NCK2: variants seen among roughly 807,000 people sequenced by gnomAD.
NCK2 encodes cytoplasmic protein NCK2.
In NCK2, 16 loss-of-function variants were observed where a neutral mutation model predicts 33.9. The observed-to-expected ratio is 0.47, with a 90% CI of 0.32 to 0.72. The LOEUF (loss-of-function observed/expected upper bound fraction) is 0.72, where lower values mean the gene tolerates loss of function less well. NCK2 is among the 30% of genes least tolerant of loss of function. The probability of loss-of-function intolerance (pLI) is 0.03; values close to 1 mark genes in which losing one functional copy is unlikely to be tolerated. For synonymous variants in NCK2, 273 were observed against 239.9 expected (o/e 1.14, Z -1.27); for missense variants, 418 against 537.3 (o/e 0.78, Z 2.19).
chr2:105,874,598 C>T (rs1229623611), intron 3 of NCK2, among the ~76,000 whole-genome samples: 5 of 152,238 alleles, frequency 3.3e-5, no homozygotes, highest in African/African-American at 1.2e-4. Context: ...CTTGAGCACA[C>T]CGCGTCTAAA....
chr2:105,881,691 T>C lies in NCK2; in HGVS notation c.590T>C (p.Leu197Pro), dbSNP rs773992501. Residue 197 changes from leucine to proline, a missense_variant, in exon 4 of 5, where the codon CTG becomes CCG. Coordinates refer to ENST00000233154, the MANE Select transcript of NCK2 (RefSeq NM_003581.5). ...AGCAATGGCCAGGGCTCCCGCGTGC[T>C]GCATGTGGTCCAGACGCTGTACCCC... is the stretch of plus-strand genomic sequence containing the variant. Reference protein sequence around the residue: ...SLSNGQGSRVLHVVQTLYPFS... With the variant: ...SLSNGQGSRVPHVVQTLYPFS... 6.2e-7 allele frequency: 1 copy of C among 1,614,012 alleles called. No homozygotes were observed. Among genetic ancestry groups the C allele is most frequent in the South Asian group, 1.1e-5 (1 of 91,074 alleles).
chr2:105,835,395 A>ATGTG (rs1676369655), intron 2 of NCK2, among the ~76,000 whole-genome samples: 1 of 101,016 alleles, frequency 9.9e-6, no homozygotes, highest in African/African-American at 3.1e-5. Flanking sequence ...ACACATATAT[A>ATGTG]TATATATATA....
At chr2:105,806,928 A>C (rs1675069094) in intron 1 of NCK2, among the ~76,000 whole-genome samples, 1 of 152,182 alleles carries the variant, frequency 6.6e-6, no homozygotes, top group Non-Finnish European at 1.5e-5. Flanking sequence ...TACTTCTCAG[A>C]TGCCCGTGGT....
At chr2:105,864,242 G>A (rs1677661147) in intron 3 of NCK2, among the ~76,000 whole-genome samples, 2 of 152,130 alleles carry the variant, frequency 1.3e-5, no homozygotes, top group Admixed American at 6.5e-5. Context: ...GACTGGAAGG[G>A]CCTGAGCCTG....
intron 1 of NCK2, among the ~76,000 whole-genome samples, chr2:105,784,290 C>T (rs1475488139): frequency 3.3e-5 from 5 of 152,190 alleles, no homozygotes; most frequent in Non-Finnish European, 7.3e-5. Flanking sequence ...TAGGAAGTTG[C>T]CATCCCTTTT....
intron 1 of NCK2, among the ~76,000 whole-genome samples, chr2:105,804,725 A>G (rs1199093829): frequency 6.6e-6 from 1 of 152,240 alleles, no homozygotes; most frequent in Non-Finnish European, 1.5e-5. Context: ...AACTAAACTT[A>G]TAGCCTTGAA....
intron 1 of NCK2, among the ~76,000 whole-genome samples, chr2:105,799,344 T>C (rs1453433324): frequency 6.6e-6 from 1 of 152,194 alleles, no homozygotes; most frequent in Non-Finnish European, 1.5e-5. Flanking sequence ...TACTTTTTCA[T>C]TGTAAATCTT....
chr2:105,796,469 G>A (rs1053461628), intron 1 of NCK2, among the ~76,000 whole-genome samples: 3 of 152,210 alleles, frequency 2.0e-5, no homozygotes, highest in East Asian at 1.9e-4. Flanking sequence ...ATGGATGAAT[G>A]GGGGCATTGG....
intron 1 of NCK2, among the ~76,000 whole-genome samples, chr2:105,806,141 G>A (rs1274964055): frequency 6.6e-6 from 1 of 151,332 alleles, no homozygotes. Flanking sequence ...GGAGCAATTT[G>A]TATTTTGTAT....
intron 2 of NCK2, among the ~76,000 whole-genome samples, chr2:105,836,935 CCT>C (rs1308783270): frequency 6.6e-6 from 1 of 152,164 alleles, no homozygotes; most frequent in Non-Finnish European, 1.5e-5. Flanking sequence ...CAGGTACCTC[CCT>C]TTATGGGGCT....
At chr2:105,879,092 T>C (rs1241781707) in intron 3 of NCK2, among the ~76,000 whole-genome samples, 1 of 152,268 alleles carries the variant, frequency 6.6e-6, no homozygotes, top group African/African-American at 2.4e-5. Flanking sequence ...GCTGATCTTT[T>C]CACCTTTATC....
chr2:105,813,751 GA>G (rs1380604317), intron 1 of NCK2, among the ~76,000 whole-genome samples: 2 of 152,120 alleles, frequency 1.3e-5, no homozygotes, highest in Non-Finnish European at 2.9e-5. Flanking sequence ...GGCTTTAGTG[GA>G]AAAAAAGCAA....
At chr2:105,783,816 G>C (rs1690580462) in intron 1 of NCK2, among the ~76,000 whole-genome samples, 1 of 152,060 alleles carries the variant, frequency 6.6e-6, no homozygotes, top group African/African-American at 2.4e-5. Context: ...GGGTTTTGCA[G>C]CTGGAAACAA....
chr2:105,880,803 CCTCA>C (rs1274466250), intron 3 of NCK2, among the ~76,000 whole-genome samples: 1 of 152,126 alleles, frequency 6.6e-6, no homozygotes, highest in Non-Finnish European at 1.5e-5. Context: ...AGAGACAGGG[CCTCA>C]CTCTGTTGCA....
rs1046273275 is a variant in NCK2, at chr2:105,785,297, G to A, written c.-200-31133G>A. On this transcript the variant is annotated intron_variant, in intron 1 of 4. Coordinates refer to ENST00000233154, the MANE Select transcript of NCK2 (RefSeq NM_003581.5). ...GTTCTTTACGGTGTCACTGGGAGCC[G>A]AGGTGGCCATGCTGTGTGTGTCCAA... Among the ~76,000 whole-genome samples the A allele has an allele frequency of 4.6e-5, 7 of 152,178 alleles. No individual in the cohort carries two copies. The East Asian group carries it at 5.8e-4, about 13-fold the overall frequency.
At chr2:105,791,017 A>G (rs1462899362) in intron 1 of NCK2, among the ~76,000 whole-genome samples, 1 of 152,044 alleles carries the variant, frequency 6.6e-6, no homozygotes, top group African/African-American at 2.4e-5. Flanking sequence ...CACTGCTTAG[A>G]GGTTGTCCGC....
chr2:105,851,522 G>C (rs968095670), intron 2 of NCK2, among the ~76,000 whole-genome samples: 3 of 152,098 alleles, frequency 2.0e-5, no homozygotes, highest in African/African-American at 7.2e-5. Context: ...CTCCCAAAGT[G>C]CTGGGATTAC....
intron 4 of NCK2, among the ~76,000 whole-genome samples, chr2:105,887,763 C>T (rs184326135): frequency 6.6e-6 from 1 of 152,216 alleles, no homozygotes; most frequent in Admixed American, 6.5e-5. Context: ...GAGGGAGAGG[C>T]GTATCTGATC....
chr2:105,852,809 A>C (rs1482805236), intron 2 of NCK2, among the ~76,000 whole-genome samples: 2 of 152,162 alleles, frequency 1.3e-5, no homozygotes, highest in African/African-American at 4.8e-5. Context: ...AGTGAGTTCT[A>C]CATGGTATGC....
Sources: allele counts gnomAD v4.1 joint callset (sites outside exome capture counted in the v4.1 genomes callset), GRCh38; gene constraint gnomAD v4.1.1; transcripts MANE v1.5; gene names NCBI Gene and HGNC (gene_info 2026-07-23, HGNC 2026-07-21).